Variants in MECOM observed in about 807,000 individuals in gnomAD.
MECOM encodes the protein histone-lysine N-methyltransferase MECOM.
Under a neutral mutation model 116.3 loss-of-function variants are expected in MECOM, and 13 were observed. The ratio of observed to expected loss-of-function variants is 0.11; its 90% confidence interval spans 0.07 to 0.18. MECOM has a LOEUF of 0.18. MECOM is among the 10% of genes least tolerant of loss of function. The pLI is 1.00. For synonymous variants in MECOM, 528 were observed against 535.2 expected (o/e 0.99, Z 0.19); for missense variants, 1,299 against 1,509.0 (o/e 0.86, Z 2.31).
At chr3:169,135,749 A>G (rs2149240059) in intron 3 of MECOM, among the ~76,000 whole-genome samples, 1 of 151,878 alleles carries the variant, frequency 6.6e-6, no homozygotes, top group Non-Finnish European at 1.5e-5. Context: ...CTATGAAGCA[A>G]TATTTGTGCC....
At chr3:169,314,296 C>G (rs1482876870) in intron 2 of MECOM, among the ~76,000 whole-genome samples, 1 of 152,226 alleles carries the variant, frequency 6.6e-6, no homozygotes, top group African/African-American at 2.4e-5. Context: ...CTGGCACATA[C>G]TTAGCACTTC....
intron 2 of MECOM, among the ~76,000 whole-genome samples, chr3:169,180,129 G>A (rs1456367846): frequency 6.6e-6 from 1 of 152,056 alleles, no homozygotes; most frequent in Non-Finnish European, 1.5e-5. Context: ...AACTAAAAAG[G>A]CAATTATTTT....
chr3:169,118,614 G>GA (rs781036621), intron 7 of MECOM, among the ~76,000 whole-genome samples: 8 of 151,998 alleles, frequency 5.3e-5, no homozygotes, highest in Admixed American at 2.6e-4. Context: ...AAAAGGCATT[G>GA]AAAAAATGTC....
At chr3:169,340,378 T>C (rs1724303607) in intron 2 of MECOM, among the ~76,000 whole-genome samples, 1 of 152,348 alleles carries the variant, frequency 6.6e-6, no homozygotes, top group Non-Finnish European at 1.5e-5. Context: ...TTATTTATGA[T>C]AGCTGTTAGG....
intron 1 of MECOM, among the ~76,000 whole-genome samples, chr3:169,475,494 A>G (rs1008994740): frequency 6.6e-6 from 1 of 152,214 alleles, no homozygotes; most frequent in African/African-American, 2.4e-5. Flanking sequence ...AAGGCCAGGA[A>G]TACGGGCTGC....
At chr3:169,652,343 A>G (rs1577296822) in intron 1 of MECOM, among the ~76,000 whole-genome samples, 1 of 152,196 alleles carries the variant, frequency 6.6e-6, no homozygotes, top group Non-Finnish European at 1.5e-5. Context: ...TACTAATTTC[A>G]TAGTTCCCAC....
At chr3:169,385,771 GA>G (rs1577943267) in intron 1 of MECOM, among the ~76,000 whole-genome samples, 1 of 152,156 alleles carries the variant, frequency 6.6e-6, no homozygotes, top group East Asian at 1.9e-4. Context: ...AAAATTGGTA[GA>G]TCCTTTCCCT....
chr3:169,097,394 G>C (rs554672041), intron 12 of MECOM, among the ~76,000 whole-genome samples: 1 of 151,998 alleles, frequency 6.6e-6, no homozygotes, highest in Non-Finnish European at 1.5e-5. Flanking sequence ...ATTCCAATAA[G>C]AGCCTAAGTT....
intron 2 of MECOM, among the ~76,000 whole-genome samples, chr3:169,233,155 A>G (rs1753623461): frequency 6.6e-6 from 1 of 152,132 alleles, no homozygotes; most frequent in Non-Finnish European, 1.5e-5. Context: ...TGTTTCAATT[A>G]TTGTGGGGCA....
chr3:169,215,099 T>C (rs1033270056), intron 2 of MECOM, among the ~76,000 whole-genome samples: 9 of 151,218 alleles, frequency 6.0e-5, no homozygotes, highest in African/African-American at 1.9e-4. Flanking sequence ...TTAACTTTAT[T>C]TTATATTCCA....
At chr3:169,581,765 G>A (rs1056750234) in intron 1 of MECOM, among the ~76,000 whole-genome samples, 1 of 152,198 alleles carries the variant, frequency 6.6e-6, no homozygotes, top group African/African-American at 2.4e-5. Flanking sequence ...TTTTCATTTT[G>A]ACTCCTTAAT....
chr3:169,598,559 A>AT (rs1372883220), intron 1 of MECOM, among the ~76,000 whole-genome samples: 1 of 152,224 alleles, frequency 6.6e-6, no homozygotes. Context: ...TGGAAACAGC[A>AT]TGATGTCAGA....
intron 1 of MECOM, among the ~76,000 whole-genome samples, chr3:169,628,423 T>G (rs867039303): frequency 1.3e-5 from 2 of 152,240 alleles, no homozygotes; most frequent in African/African-American, 2.4e-5. Context: ...TGTTTAATTT[T>G]TATAGTGTTA....
At position 169,627,391 on chromosome 3, in the gene MECOM, G is replaced by A. The variant is rs1771516501; in HGVS notation, c.37+35945C>T. On this transcript the variant is annotated intron_variant, in intron 1 of 16. Coordinates refer to ENST00000651503, the MANE Select transcript of MECOM (RefSeq NM_004991.4). The stretch of plus-strand genomic sequence containing the variant: ...ATCATACCTGAAACTGATATGGAGT[G>A]ACATTACCCAGCAGCTTAATTAATG... Among the ~76,000 whole-genome samples, 5 of 152,188 alleles carry A rather than the reference G, an allele frequency of 3.3e-5. 1 individual carries two copies. The highest frequency in any genetic ancestry group is 3.3e-4 in the Admixed American group (5 of 15,286).
intron 2 of MECOM, among the ~76,000 whole-genome samples, chr3:169,371,292 T>C (rs138279859): frequency 6.6e-6 from 1 of 152,044 alleles, no homozygotes; most frequent in East Asian, 1.9e-4. Flanking sequence ...TTCACTTATA[T>C]GTGGAATCTA....
chr3:169,640,223 T>C (rs1773295299), intron 1 of MECOM, among the ~76,000 whole-genome samples: 1 of 152,218 alleles, frequency 6.6e-6, no homozygotes, highest in Non-Finnish European at 1.5e-5. Flanking sequence ...TGATAAATCC[T>C]AAATTACCTA....
chr3:169,481,760 G>C (rs184420153), intron 1 of MECOM, among the ~76,000 whole-genome samples: 10 of 152,182 alleles, frequency 6.6e-5, no homozygotes, highest in Admixed American at 2.6e-4. Context: ...TAAGTAAAAA[G>C]AGAATGAACA....
At chr3:169,557,540 G>A (rs897948526) in intron 1 of MECOM, among the ~76,000 whole-genome samples, 1 of 152,180 alleles carries the variant, frequency 6.6e-6, no homozygotes, top group African/African-American at 2.4e-5. Flanking sequence ...AAAACAACTC[G>A]TGGAATACTG....
intron 4 of MECOM, among the ~76,000 whole-genome samples, chr3:169,129,480 A>T (rs1167824416): frequency 6.6e-6 from 1 of 151,976 alleles, no homozygotes; most frequent in East Asian, 1.9e-4. Context: ...GCAGAAATCC[A>T]CATAAGATGC....
Sources: allele counts gnomAD v4.1 joint callset (sites outside exome capture counted in the v4.1 genomes callset), GRCh38; gene constraint gnomAD v4.1.1; transcripts MANE v1.5; gene names NCBI Gene and HGNC (gene_info 2026-07-23, HGNC 2026-07-21).